The following CTNNA3 variants were observed in gnomAD, a reference collection of about 807,000 sequenced individuals.
The protein encoded by CTNNA3 is catenin alpha-3.
In CTNNA3, 76 loss-of-function variants were observed where a neutral mutation model predicts 95.7. The ratio of observed to expected loss-of-function variants is 0.79; its 90% CI spans 0.66 to 0.96. The LOEUF (loss-of-function observed/expected upper bound fraction) is 0.96, where lower values mean the gene tolerates loss of function less well. Among genes scored for constraint, CTNNA3 ranks in the 40% least tolerant of loss-of-function variants. CTNNA3 has a pLI of 0.00. For missense variants in CTNNA3, 1,191 were observed against 1,089.8 expected, an observed-to-expected ratio of 1.09 and a Z score of -1.31; for synonymous variants, 431 against 374.4, an observed-to-expected ratio of 1.15 and a Z score of -1.74.
chr10:67,615,396 T>TGTAA (rs1309253697), intron 2 of CTNNA3, among the ~76,000 whole-genome samples: 1 of 152,168 alleles, frequency 6.6e-6, no homozygotes, highest in African/African-American at 2.4e-5. Flanking sequence ...GTGCACTTAC[T>TGTAA]CCTGGATAAA....
At chr10:66,638,243 G>C (rs1845400337) in intron 9 of CTNNA3, among the ~76,000 whole-genome samples, 1 of 152,124 alleles carries the variant, frequency 6.6e-6, no homozygotes, top group South Asian at 2.1e-4. Flanking sequence ...ACTGGAAACT[G>C]TTCCTGCAAG....
At chr10:66,903,022 T>C (rs1216901461) in intron 7 of CTNNA3, among the ~76,000 whole-genome samples, 1 of 152,162 alleles carries the variant, frequency 6.6e-6, no homozygotes, top group Non-Finnish European at 1.5e-5. Flanking sequence ...CCCTAACCCA[T>C]TTTATGAGGC....
chr10:66,681,692 A>C (rs2132503278), intron 9 of CTNNA3, among the ~76,000 whole-genome samples: 1 of 152,292 alleles, frequency 6.6e-6, no homozygotes, highest in South Asian at 2.1e-4. Flanking sequence ...GCAACGCAAC[A>C]TTCTAAATAA....
chr10:66,917,180 T>A (rs1846533013), intron 7 of CTNNA3, among the ~76,000 whole-genome samples: 1 of 152,250 alleles, frequency 6.6e-6, no homozygotes. Context: ...AAGAGTTTAA[T>A]AAATACTCAT....
At chr10:67,148,012 T>C (rs1364317852) in intron 7 of CTNNA3, among the ~76,000 whole-genome samples, 3 of 152,194 alleles carry the variant, frequency 2.0e-5, no homozygotes, top group Non-Finnish European at 4.4e-5. Flanking sequence ...AGGAAGTTAT[T>C]AGGACCTAAC....
intron 6 of CTNNA3, among the ~76,000 whole-genome samples, chr10:67,194,997 T>C (rs998054473): frequency 6.6e-6 from 1 of 151,944 alleles, no homozygotes; most frequent in Non-Finnish European, 1.5e-5. Flanking sequence ...CTGTACTCCA[T>C]GAAAGGTTGC....
intron 7 of CTNNA3, among the ~76,000 whole-genome samples, chr10:67,107,110 G>A (rs1212144723): frequency 6.6e-6 from 1 of 152,184 alleles, no homozygotes; most frequent in African/African-American, 2.4e-5. Context: ...GCAAGACAAA[G>A]ATGAGAGGGC....
intron 5 of CTNNA3, among the ~76,000 whole-genome samples, chr10:67,437,825 A>T (rs1846356551): frequency 1.3e-5 from 2 of 152,016 alleles, no homozygotes; most frequent in Admixed American, 1.3e-4. Flanking sequence ...TAAGCCTATA[A>T]TTACTTTTTC....
intron 10 of CTNNA3, among the ~76,000 whole-genome samples, chr10:66,548,069 C>A (rs530676383): frequency 1.3e-5 from 2 of 152,034 alleles, no homozygotes; most frequent in Non-Finnish European, 2.9e-5. Flanking sequence ...GCATGTGCCA[C>A]CATGTCCGGC....
At chr10:66,306,761 G>A (rs1475513316) in intron 12 of CTNNA3, among the ~76,000 whole-genome samples, 2 of 152,094 alleles carry the variant, frequency 1.3e-5, no homozygotes, top group Non-Finnish European at 2.9e-5. Flanking sequence ...GGATTATAGT[G>A]GAGTTAAGAA....
intron 5 of CTNNA3, among the ~76,000 whole-genome samples, chr10:67,243,787 C>G (rs1429769876): frequency 6.6e-6 from 1 of 152,206 alleles, no homozygotes; most frequent in African/African-American, 2.4e-5. Flanking sequence ...CATTCTATCA[C>G]ACACAGACTT....
chr10:67,700,286 C>T (rs537481476), upstream of CTNNA3, among the ~76,000 whole-genome samples: 19 of 152,258 alleles, frequency 1.2e-4, no homozygotes, highest in East Asian at 1.9e-4. Flanking sequence ...TCTCCCAGCA[C>T]GCAGCTGCAG....
chr10:66,938,900 T>G (rs1847858132), intron 7 of CTNNA3, among the ~76,000 whole-genome samples: 1 of 152,180 alleles, frequency 6.6e-6, no homozygotes, highest in Admixed American at 6.6e-5. Flanking sequence ...CAACGTTTGT[T>G]TAAAAGCCAT....
At chr10:66,249,187 G>A (rs920142695) in intron 13 of CTNNA3, among the ~76,000 whole-genome samples, 1 of 151,932 alleles carries the variant, frequency 6.6e-6, no homozygotes, top group Non-Finnish European at 1.5e-5. Flanking sequence ...AAAACATCGG[G>A]GAAACTCTCC....
At chr10:67,065,938 C>CAA (rs10714806) in intron 7 of CTNNA3, among the ~76,000 whole-genome samples, 106 of 148,178 alleles carry the variant, frequency 7.2e-4, no homozygotes, top group African/African-American at 2.4e-3. Context: ...GGCTGCCATT[C>CAA]AAAAAAAAAA....
intron 5 of CTNNA3, among the ~76,000 whole-genome samples, chr10:67,443,206 T>C (rs1442089973): frequency 2.0e-5 from 3 of 151,132 alleles, no homozygotes; most frequent in African/African-American, 7.3e-5. Flanking sequence ...TGTTGGACAT[T>C]TGGGTTGGTT....
chr10:67,656,634 A>C (rs537397596), intron 1 of CTNNA3, among the ~76,000 whole-genome samples: 15 of 152,226 alleles, frequency 9.9e-5, no homozygotes, highest in Middle Eastern at 3.4e-3. Context: ...AGCAGATTTC[A>C]GTATTAAATA....
At chr10:67,068,358 A>C (rs1856220648) in intron 7 of CTNNA3, among the ~76,000 whole-genome samples, 1 of 152,130 alleles carries the variant, frequency 6.6e-6, no homozygotes, top group Non-Finnish European at 1.5e-5. Flanking sequence ...GGTTTGGGGG[A>C]AAGGTAGGAA....
chr10:67,294,152 C>A (rs1839943972), intron 5 of CTNNA3, among the ~76,000 whole-genome samples: 1 of 152,122 alleles, frequency 6.6e-6, no homozygotes, highest in Admixed American at 6.5e-5. Flanking sequence ...TTGTCCCCAA[C>A]ACCTCGCTTT....
Sources: allele counts gnomAD v4.1 joint callset (sites outside exome capture counted in the v4.1 genomes callset), GRCh38; gene constraint gnomAD v4.1.1; transcripts MANE v1.5; gene names NCBI Gene and HGNC (gene_info 2026-07-23, HGNC 2026-07-21).